FECH: variants seen among roughly 807,000 people sequenced by gnomAD.
The protein encoded by FECH is ferrochelatase, mitochondrial.
A neutral mutation model predicts 56.9 loss-of-function variants in FECH; 40 were observed. That is an observed-to-expected ratio of 0.70 (90% CI 0.55 to 0.92). The LOEUF is 0.92. Ranked by LOEUF, FECH falls within the 40% of genes least tolerant of loss-of-function variation. The pLI, the probability that FECH is intolerant of heterozygous loss-of-function variation, is 0.00. For synonymous variants in FECH, 175 were observed against 198.6 expected, an observed-to-expected ratio of 0.88 and a Z score of 1.00; for missense variants, 431 against 529.1, an observed-to-expected ratio of 0.81 and a Z score of 1.82.
rs986454661 is a variant in FECH, at chr18:57,544,716, T to C, written c.*5996A>G. On this transcript the variant is annotated 3_prime_UTR_variant, in exon 11 of 11. Coordinates refer to ENST00000262093, the MANE Select transcript of FECH (RefSeq NM_000140.5). ...AAGACTATTCAAGTGTTCAAGTGTT[T>C]GTGAAAATCACAGTGTAATGGCTAC... Among the ~76,000 whole-genome samples, 2 of 152,254 alleles carry C rather than the reference T, an allele frequency of 1.3e-5. No individual in the cohort carries two copies. Among genetic ancestry groups the C allele is most frequent in the African/African-American group, 4.8e-5 (2 of 41,480 alleles).
In FECH at chr18:57,546,952, T is replaced by G. The variant is rs537717785; in HGVS notation, c.*3760A>C. ...TCCAGCTTGGGCAACAGAGCGAGAC[T>G]CCATCTCAAAAAAAAAAAAAAAAAA... On this transcript the variant is annotated 3_prime_UTR_variant, in exon 11 of 11. Coordinates refer to ENST00000262093, the MANE Select transcript of FECH (RefSeq NM_000140.5). Among the ~76,000 whole-genome samples the G allele has an allele frequency of 1.5e-5, 2 of 131,566 alleles. No homozygotes were observed. The highest frequency in any genetic ancestry group is 5.8e-5 in the African/African-American group (2 of 34,262). 86.3% of individuals were successfully genotyped at this position (131,566 alleles called of 152,430 possible).
intron 2 of FECH, 112 bp downstream of exon 2, chr18:57,579,961 G>T: frequency 7.0e-7 from 1 of 1,434,732 alleles, no homozygotes; most frequent in Non-Finnish European, 9.8e-7. Flanking sequence ...CAAGAAAATA[G>T]CTCCTTCCAC....
intron 1 of FECH, among the ~76,000 whole-genome samples, chr18:57,581,147 C>T (rs2051271816): frequency 6.6e-6 from 1 of 152,218 alleles, no homozygotes. Flanking sequence ...TCAGAGAGTT[C>T]AAGAGCTCAT....
intron 9 of FECH, 109 bp downstream of exon 9, chr18:57,554,151 G>T: frequency 8.3e-7 from 1 of 1,207,902 alleles, no homozygotes; most frequent in Non-Finnish European, 1.2e-6. Context: ...CACCGTACAT[G>T]CAAACAAATA....
intron 6 of FECH, among the ~76,000 whole-genome samples, chr18:57,559,826 C>G (rs1787997): frequency 0.54 from 82,284 of 151,978 alleles, 22,722 homozygotes; most frequent in Non-Finnish European, 0.61. Flanking sequence ...TTCACAGAGC[C>G]GGGAAAGATG....
chr18:57,574,380 C>T (rs1345346491), intron 2 of FECH, among the ~76,000 whole-genome samples: 5 of 152,208 alleles, frequency 3.3e-5, no homozygotes, highest in African/African-American at 4.8e-5. Flanking sequence ...AACTTCTCCT[C>T]TCCATCCTGC....
intron 10 of FECH, 27 bp from the exon 11 acceptor site, chr18:57,550,873 G>A (rs1626793): frequency 9.9e-6 from 16 of 1,612,358 alleles, no homozygotes; most frequent in African/African-American, 5.3e-5. Flanking sequence ...AGGCAAAGAC[G>A]CATGAGAAGC....
chr18:57,580,740 C>T (rs1210160349), intron 1 of FECH, among the ~76,000 whole-genome samples: 1 of 152,124 alleles, frequency 6.6e-6, no homozygotes, highest in Non-Finnish European at 1.5e-5. Context: ...CCTCCCACTG[C>T]ACCCCACCCC....
At chr18:57,570,021 G>T (rs1365192681) in intron 4 of FECH, among the ~76,000 whole-genome samples, 2 of 114,368 alleles carry the variant, frequency 1.7e-5, no homozygotes, top group African/African-American at 6.0e-5. Context: ...TGTTGTTGTT[G>T]TTGTTGTTGT....
intron 1 of FECH, among the ~76,000 whole-genome samples, chr18:57,585,356 A>C (rs1224781458): frequency 6.6e-6 from 1 of 152,314 alleles, no homozygotes; most frequent in Admixed American, 6.5e-5. Flanking sequence ...GAATCTTTCC[A>C]CTTTTAACCT....
chr18:57,579,955 A>G lies in FECH; in HGVS notation c.194+118T>C, dbSNP rs2051251076. On this transcript the variant is annotated intron_variant, in intron 2 of 10. Transcript: ENST00000262093. ...TAACAGCTATTGAAAGGAAGCCAAG[A>G]AAATAGCTCCTTCCACACTGGCTTT... 2.6e-5 allele frequency: 36 copies of G among 1,406,832 alleles called. No individual in the cohort carries two copies. In the South Asian group the frequency reaches 3.7e-4, roughly 14 times the overall value. The allele number at this position is 1,406,832 out of a possible 1,614,324, so 87.1% of individuals were successfully genotyped here. A position where few individuals can be genotyped will look rare whatever the true frequency, so the allele number is the denominator to read the frequency against.
intron 2 of FECH, among the ~76,000 whole-genome samples, chr18:57,579,089 A>G (rs1389716182): frequency 2.6e-5 from 4 of 151,868 alleles, no homozygotes; most frequent in African/African-American, 9.7e-5. Flanking sequence ...CTCTACTAAA[A>G]ATACAAAAAT....
At chr18:57,579,289 A>ATATG (rs1555681607) in intron 2 of FECH, among the ~76,000 whole-genome samples, 2 of 141,920 alleles carry the variant, frequency 1.4e-5, no homozygotes, top group South Asian at 2.2e-4. Context: ...GTGTGTATAT[A>ATATG]TGTGTGTGTG....
intron 2 of FECH, among the ~76,000 whole-genome samples, chr18:57,579,368 G>A (rs999790324): frequency 6.6e-6 from 1 of 151,532 alleles, no homozygotes; most frequent in African/African-American, 2.4e-5. Context: ...TAGCAGAAAG[G>A]TCATGGAGTT....
intron 2 of FECH, among the ~76,000 whole-genome samples, chr18:57,574,999 T>TCAC (rs2051164398): frequency 6.6e-6 from 1 of 152,118 alleles, no homozygotes; most frequent in South Asian, 2.1e-4. Flanking sequence ...CCCTCCCCTC[T>TCAC]CACCCCTGGC....
intron 3 of FECH, 104 bp from the exon 4 acceptor site, chr18:57,571,644 C>T: frequency 6.5e-7 from 1 of 1,548,920 alleles, no homozygotes; most frequent in South Asian, 1.1e-5. Context: ...TTTAGAGAGC[C>T]TAACAAGATT....
intron 9 of FECH, among the ~76,000 whole-genome samples, chr18:57,553,061 T>A (rs2050820299): frequency 6.6e-6 from 1 of 152,164 alleles, no homozygotes; most frequent in African/African-American, 2.4e-5. Context: ...ATTTCATCTC[T>A]AAGCAAATTT....
intron 6 of FECH, among the ~76,000 whole-genome samples, chr18:57,560,328 G>A (rs187379166): frequency 6.6e-6 from 1 of 152,230 alleles, no homozygotes; most frequent in East Asian, 1.9e-4. Flanking sequence ...GCGTGTAAAT[G>A]ATAAAGCAAG....
chr18:57,559,049 A>C, intron 7 of FECH, 96 bp downstream of exon 7: 1 of 837,908 alleles, frequency 1.2e-6, no homozygotes, highest in East Asian at 2.5e-5. Context: ...CACTGGGCTT[A>C]GGACATAATG....
Sources: gnomAD v4.1 joint callset for allele counts (sites outside exome capture counted in the v4.1 genomes callset) on GRCh38, gnomAD v4.1.1 for gene constraint, MANE v1.5 for transcripts, NCBI Gene and HGNC (gene_info 2026-07-23, HGNC 2026-07-21) for gene names.